The following ATAD2B variants were observed in gnomAD, a reference collection of about 807,000 sequenced individuals.
The protein encoded by ATAD2B is ATPase family AAA domain-containing protein 2B.
In ATAD2B, 40 loss-of-function variants were observed where a neutral mutation model predicts 167.6. The ratio of observed to expected loss-of-function variants is 0.24; its 90% CI spans 0.19 to 0.31. The LOEUF is 0.31. ATAD2B is among the 10% of genes least tolerant of loss of function. ATAD2B has a pLI of 1.00. For missense variants in ATAD2B, 1,242 were observed against 1,757.2 expected, an observed-to-expected ratio of 0.71 and a Z score of 5.24; for synonymous variants, 579 against 596.5, an observed-to-expected ratio of 0.97 and a Z score of 0.43.
the ATAD2B span, chr2:23,684,377 G>A: frequency 7.1e-7 from 1 of 1,413,114 alleles, no homozygotes. This position sits in a 1 kb window ranked among gnomAD's most constrained non-coding sequence, Gnocchi z 4.4. Context: ...ACCTGGCCCT[G>A]TCTGTCTTCT....
chr2:23,920,160 A>G (rs1159164266), intron 1 of ATAD2B, among the ~76,000 whole-genome samples: 1 of 152,192 alleles, frequency 6.6e-6, no homozygotes, highest in Non-Finnish European at 1.5e-5. Context: ...CAAAAAAAAA[A>G]AAAAAGGTAT....
intron 18 of ATAD2B, among the ~76,000 whole-genome samples, chr2:23,805,795 T>TAAAAAAAAAAAAAAAAAAA (rs3030816): frequency 4.0e-5 from 4 of 100,970 alleles, no homozygotes; most frequent in African/African-American, 1.4e-4. Context: ...TATCAAGCTT[T>TAAAAAAAAAAAAAAAAAAA]AAAAAAAAAA....
intron 22 of ATAD2B, among the ~76,000 whole-genome samples, chr2:23,774,385 GT>G (rs1678776287): frequency 6.6e-6 from 1 of 152,100 alleles, no homozygotes; most frequent in African/African-American, 2.4e-5. Flanking sequence ...TGCCCAGGAG[GT>G]CAAGGCTGCA....
At chr2:23,708,255 A>T in the ATAD2B span, 1 of 152,228 alleles carries the variant, frequency 6.6e-6, no homozygotes, top group Non-Finnish European at 1.5e-5. Flanking sequence ...ATTATTTATT[A>T]TTTTAAAAAG....
the ATAD2B span, among the ~76,000 whole-genome samples, chr2:23,699,492 A>G: frequency 2.0e-5 from 3 of 152,188 alleles, no homozygotes; most frequent in East Asian, 3.9e-4. Context: ...CAGCTTCCCC[A>G]TGAAGCAAGA....
At chr2:23,802,388 C>T (rs1323946443) in intron 18 of ATAD2B, among the ~76,000 whole-genome samples, 1 of 151,886 alleles carries the variant, frequency 6.6e-6, no homozygotes, top group African/African-American at 2.4e-5. Context: ...GAAAAGAAGG[C>T]ACTGTCTGGA....
the ATAD2B span, chr2:23,703,356 G>C: frequency 6.6e-7 from 1 of 1,517,772 alleles, no homozygotes; most frequent in East Asian, 2.5e-5. Context: ...AACACGTGGA[G>C]CTTCATCGAG....
chr2:23,779,906 C>T (rs142899847), intron 22 of ATAD2B, among the ~76,000 whole-genome samples: 6 of 152,066 alleles, frequency 3.9e-5, no homozygotes, highest in South Asian at 4.1e-4. Flanking sequence ...GGAATTAATA[C>T]GTTTTTAATA....
At chr2:23,738,698 A>G in the ATAD2B span, among the ~76,000 whole-genome samples, 1 of 152,226 alleles carries the variant, frequency 6.6e-6, no homozygotes, top group African/African-American at 2.4e-5. Context: ...CACACATAAC[A>G]ATATTAACTT....
intron 1 of ATAD2B, among the ~76,000 whole-genome samples, chr2:23,903,822 T>C (rs1298323154): frequency 2.0e-5 from 3 of 152,064 alleles, no homozygotes; most frequent in Admixed American, 6.6e-5. Flanking sequence ...TCATTTAGAA[T>C]TGGGAAAATC....
Position 23,887,958 on chromosome 2 carries a change from T to C in ATAD2B, c.446A>G (p.Glu149Gly). The change falls in exon 4 of 28, where the codon GAA becomes GGA. Residue 149 changes from glutamate to glycine, a missense_variant. Transcript: ENST00000238789. ...LSLRSHPLRG[E>G]KKGDGDLSCI... ...AGAAAGGTCCCCATCTCCCTTCTTTTCCCCTCGAAGGGGATGGCTTCGAAG... is the reference window on the plus strand; with the variant it reads ...AGAAAGGTCCCCATCTCCCTTCTTTCCCCCTCGAAGGGGATGGCTTCGAAG... 6.2e-7 allele frequency: 1 copy of C among 1,603,742 alleles called. No homozygotes were observed. The highest frequency in any genetic ancestry group is 8.5e-7 in the Non-Finnish European group (1 of 1,176,402).
At chr2:23,744,912 A>G (rs940203920), downstream of ATAD2B, among the ~76,000 whole-genome samples, 1 of 152,212 alleles carries the variant, frequency 6.6e-6, no homozygotes, top group Admixed American at 6.5e-5. Context: ...ACAAATTGTT[A>G]ACATTTAATA....
At chr2:23,753,607 A>C (rs147835793) in intron 27 of ATAD2B, among the ~76,000 whole-genome samples, 26 of 152,306 alleles carry the variant, frequency 1.7e-4, no homozygotes, top group African/African-American at 5.8e-4. Flanking sequence ...CCCTTGGTTT[A>C]GAGTTGTCTA....
At chr2:23,835,427 G>C (rs1038814061) in intron 13 of ATAD2B, among the ~76,000 whole-genome samples, 1 of 152,186 alleles carries the variant, frequency 6.6e-6, no homozygotes, top group East Asian at 1.9e-4. Context: ...CATATTATAT[G>C]ATTCCATTTA....
intron 13 of ATAD2B, among the ~76,000 whole-genome samples, chr2:23,838,877 A>G (rs1286483080): frequency 6.6e-6 from 1 of 152,186 alleles, no homozygotes; most frequent in South Asian, 2.1e-4. Flanking sequence ...AGAGGCCTTA[A>G]TAACTAGTAG....
At position 23,913,329 on chromosome 2, in the gene ATAD2B, T is replaced by A. The variant is rs951960280; in HGVS notation, c.216+13226A>T. ...CAGATTAAAATCTATGAATTCAATA[T>A]ATTACTAATCAAAATTCTAGTGGGG... is the stretch of plus-strand genomic sequence containing the variant. On this transcript the variant is annotated intron_variant, in intron 1 of 27. Coordinates refer to ENST00000238789, the MANE Select transcript of ATAD2B (RefSeq NM_017552.4). Among the ~76,000 whole-genome samples the A allele has an allele frequency of 1.1e-4, 16 of 152,264 alleles. No individual in the cohort carries two copies. The East Asian group carries it at 2.3e-3, about 22-fold the overall frequency.
intron 11 of ATAD2B, 82 bp from the exon 12 acceptor site, chr2:23,863,637 C>A: frequency 7.9e-7 from 1 of 1,262,550 alleles, no homozygotes; most frequent in South Asian, 1.6e-5. Context: ...TCCCCCCCTT[C>A]CATATAATTT....
chr2:23,844,995 C>T lies in ATAD2B; in HGVS notation c.1569-10917G>A, dbSNP rs374291743. Among the ~76,000 whole-genome samples the T allele has an allele frequency of 3.5e-4, 53 of 151,156 alleles. No homozygotes were observed. In the South Asian group the frequency reaches 0.01, roughly 29 times the overall value. ...ATGTACCCAGAAAAAAGATACATTA[C>T]ATACAAAGAAACAAAAATAGAAATA... is the stretch of plus-strand genomic sequence containing the variant. On this transcript the variant is annotated intron_variant, in intron 13 of 27. Coordinates refer to ENST00000238789, the MANE Select transcript of ATAD2B (RefSeq NM_017552.4).
At chr2:23,690,734 C>T in the ATAD2B span, 1 of 152,284 alleles carries the variant, frequency 6.6e-6, no homozygotes, top group Admixed American at 6.5e-5. Flanking sequence ...ACTTATGTAT[C>T]AGTGTCACTC....
Sources: gnomAD v4.1 joint callset for allele counts (sites outside exome capture counted in the v4.1 genomes callset) on GRCh38, gnomAD v4.1.1 for gene constraint, Gnocchi (gnomAD v3.1) non-coding constraint, MANE v1.5 for transcripts, NCBI Gene and HGNC (gene_info 2026-07-23, HGNC 2026-07-21) for gene names.